FABP12: variants seen among roughly 807,000 people sequenced by gnomAD.
FABP12 encodes the protein fatty acid-binding protein 12.
Under a neutral mutation model 13.7 loss-of-function variants are expected in FABP12, and 19 were observed. The observed-to-expected ratio is 1.39, with a 90% CI of 0.97 to 2.04. The LOEUF (loss-of-function observed/expected upper bound fraction) is 2.04. FABP12 is among the 30% of genes most tolerant of loss of function. FABP12 has a pLI of 0.00. For missense variants in FABP12, 182 were observed against 164.2 expected, an observed-to-expected ratio of 1.11 and a Z score of -0.59; for synonymous variants, 61 against 57.0, an observed-to-expected ratio of 1.07 and a Z score of -0.32.
intron 1 of FABP12, among the ~76,000 whole-genome samples, chr8:81,586,317 T>C (rs1238715167): frequency 6.6e-6 from 1 of 152,198 alleles, no homozygotes; most frequent in Non-Finnish European, 1.5e-5. Flanking sequence ...CATGCATGTA[T>C]CTTTATGATA....
At chr8:81,546,748 GT>G (rs1345264551) in intron 1 of FABP12, among the ~76,000 whole-genome samples, 1 of 152,054 alleles carries the variant, frequency 6.6e-6, no homozygotes, top group Non-Finnish European at 1.5e-5. Context: ...TTCCTGTGTC[GT>G]TTTTTTCATC....
At chr8:81,581,651 G>A (rs1440621887) in intron 1 of FABP12, among the ~76,000 whole-genome samples, 2 of 152,176 alleles carry the variant, frequency 1.3e-5, no homozygotes, top group East Asian at 3.9e-4. Context: ...AACTTTACAA[G>A]ATTGGAAAGA....
intron 1 of FABP12, among the ~76,000 whole-genome samples, chr8:81,578,158 T>C (rs906672332): frequency 1.3e-5 from 2 of 152,232 alleles, no homozygotes; most frequent in Admixed American, 6.5e-5. Flanking sequence ...GACATAAGAA[T>C]ACACCAGATG....
At chr8:81,564,797 A>C (rs1809786565) in intron 1 of FABP12, among the ~76,000 whole-genome samples, 1 of 152,070 alleles carries the variant, frequency 6.6e-6, no homozygotes, top group African/African-American at 2.4e-5. Context: ...AATAACCAGA[A>C]AACAAATAAG....
intron 3 of FABP12, 114 bp from the exon 4 acceptor site, chr8:81,527,235 G>A: frequency 1.8e-6 from 1 of 549,710 alleles, no homozygotes; most frequent in Non-Finnish European, 3.2e-6. Context: ...GTTTTAGAAT[G>A]GTATTGACAA....
upstream of FABP12, among the ~76,000 whole-genome samples, chr8:81,537,782 G>A (rs964178): frequency 4.3e-4 from 65 of 152,282 alleles, no homozygotes; most frequent in African/African-American, 1.4e-3. Context: ...TGGACAGGAA[G>A]CTGAGCTGAA....
In FABP12 at chr8:81,531,406, AT is replaced by A. The variant is rs1214854574; in HGVS notation, c.-75-17del. On this transcript the variant is annotated splice_polypyrimidine_tract_variant and intron_variant, in intron 1 of 4. Coordinates refer to ENST00000360464, the Ensembl canonical transcript of FABP12. ...AGTATGGGAACTTGTTTTTAATACA[AT>A]TTTGGGTAGAGAATGAGATGAGAAA... 3.7e-6 allele frequency: 3 copies of A among 808,084 alleles called. No individual in the cohort carries two copies. The highest frequency in any genetic ancestry group is 3.0e-5 in the Admixed American group (1 of 33,174). The allele number at this position is 808,084 out of a possible 1,614,324, so 50.1% of individuals were successfully genotyped here.
At chr8:81,546,825 T>C (rs1809442001) in intron 1 of FABP12, among the ~76,000 whole-genome samples, 1 of 152,194 alleles carries the variant, frequency 6.6e-6, no homozygotes, top group South Asian at 2.1e-4. Context: ...ACGTCTTCAC[T>C]GTTACTGAAT....
At chr8:81,559,493 G>T (rs1470287530) in intron 1 of FABP12, among the ~76,000 whole-genome samples, 1 of 152,170 alleles carries the variant, frequency 6.6e-6, no homozygotes, top group Non-Finnish European at 1.5e-5. Context: ...GGTGATCGGG[G>T]GCTGGTCCAA....
rs150327813 is a variant in FABP12, at chr8:81,542,741, G to A, written c.-184-2998C>T. ...GCATGCACCCATTTCTAACTTTTAT[G>A]TGTCTGATTTCTAATCTCCTCTTTT... is the stretch of plus-strand genomic sequence containing the variant. On this transcript the variant is annotated intron_variant, in intron 1 of 5. Coordinates refer to the FABP12 transcript ENST00000692030. Among the ~76,000 whole-genome samples, 29 of 152,318 alleles carry A rather than the reference G, an allele frequency of 1.9e-4. No individual in the cohort carries two copies. The East Asian group carries it at 5.4e-3, about 28-fold the overall frequency.
At chr8:81,570,064 A>G (rs900044126) in intron 1 of FABP12, among the ~76,000 whole-genome samples, 1 of 152,226 alleles carries the variant, frequency 6.6e-6, no homozygotes, top group Non-Finnish European at 1.5e-5. Flanking sequence ...GGGCAGCTCC[A>G]GGTGCCAGCA....
chr8:81,570,618 C>G (rs1187778466), intron 1 of FABP12, among the ~76,000 whole-genome samples: 1 of 152,098 alleles, frequency 6.6e-6, no homozygotes, highest in Non-Finnish European at 1.5e-5. Context: ...GTCCCGTTGT[C>G]TCCAGCTCTC....
At chr8:81,569,008 C>G (rs1305015504) in intron 1 of FABP12, among the ~76,000 whole-genome samples, 1 of 151,840 alleles carries the variant, frequency 6.6e-6, no homozygotes, top group African/African-American at 2.4e-5. Flanking sequence ...GTTATGGGTA[C>G]AAAAATATAA....
chr8:81,529,100 G>T (rs1808987306), intron 3 of FABP12, among the ~76,000 whole-genome samples: 1 of 152,142 alleles, frequency 6.6e-6, no homozygotes, highest in Non-Finnish European at 1.5e-5. Flanking sequence ...GTAATTCTAT[G>T]TGTAGAAAAC....
chr8:81,533,290 G>T (rs1036418349), intron 1 of FABP12: 3 of 152,200 alleles, frequency 2.0e-5, no homozygotes, highest in Non-Finnish European at 4.4e-5. Context: ...CTGTTGTTCA[G>T]TGCCTCTTCT....
chr8:81,533,273 G>A (rs941353710), intron 1 of FABP12: 1 of 152,188 alleles, frequency 6.6e-6, no homozygotes, highest in East Asian at 1.9e-4. Context: ...TAGTCATTTT[G>A]TCTACTCTGT....
At chr8:81,551,943 C>G (rs1809529483) in intron 1 of FABP12, among the ~76,000 whole-genome samples, 1 of 151,896 alleles carries the variant, frequency 6.6e-6, no homozygotes, top group Non-Finnish European at 1.5e-5. Flanking sequence ...AGTCGGGGCC[C>G]CATACTGTGC....
intron 2 of FABP12, among the ~76,000 whole-genome samples, chr8:81,530,302 T>C (rs1809032135): frequency 6.6e-6 from 1 of 152,206 alleles, no homozygotes. Context: ...TGTCACTCTA[T>C]ATAGATATAT....
chr8:81,554,439 T>G (rs1809574057), intron 1 of FABP12, among the ~76,000 whole-genome samples: 1 of 152,206 alleles, frequency 6.6e-6, no homozygotes, highest in Non-Finnish European at 1.5e-5. Context: ...AGAGTCAGGA[T>G]TTGAACTCAG....
Sources: allele counts gnomAD v4.1 joint callset (sites outside exome capture counted in the v4.1 genomes callset), GRCh38; gene constraint gnomAD v4.1.1; transcripts MANE v1.5; gene names NCBI Gene and HGNC (gene_info 2026-07-23, HGNC 2026-07-21).